The following VPS54 variants were observed in gnomAD, a reference collection of about 807,000 sequenced individuals.
VPS54 encodes the protein VPS54 subunit of GARP complex.
A neutral mutation model predicts 121.5 loss-of-function variants in VPS54; 45 were observed. The observed-to-expected ratio is 0.37, with a 90% confidence interval of 0.29 to 0.47. The LOEUF (loss-of-function observed/expected upper bound fraction) is 0.47. Ranked by LOEUF, VPS54 falls within the 20% of genes least tolerant of loss-of-function variation. VPS54 has a pLI of 0.99. For synonymous variants in VPS54, 371 were observed against 385.8 expected, an observed-to-expected ratio of 0.96 and a Z score of 0.45; for missense variants, 1,090 against 1,131.4, an observed-to-expected ratio of 0.96 and a Z score of 0.52.
intron 1 of VPS54, among the ~76,000 whole-genome samples, chr2:63,991,494 C>T (rs1294699231): frequency 6.6e-6 from 1 of 152,154 alleles, no homozygotes; most frequent in African/African-American, 2.4e-5. Flanking sequence ...TCAAACTGGC[C>T]CCACTAATTC....
chr2:63,910,932 C>T (rs925763829), intron 20 of VPS54, among the ~76,000 whole-genome samples: 8 of 152,024 alleles, frequency 5.3e-5, no homozygotes, highest in East Asian at 1.9e-4. Flanking sequence ...TTTTAGAGAC[C>T]GGGTCTTGCT....
At chr2:63,974,915 C>T in intron 3 of VPS54, 1 of 1,423,312 alleles carries the variant, frequency 7.0e-7, no homozygotes, top group Non-Finnish European at 9.4e-7. Flanking sequence ...TATTTTATTT[C>T]CTTTTCTTAT....
At chr2:63,948,540 G>A (rs1426744344) in intron 8 of VPS54, among the ~76,000 whole-genome samples, 2 of 150,796 alleles carry the variant, frequency 1.3e-5, no homozygotes, top group Non-Finnish European at 3.0e-5. Flanking sequence ...GGGACTACAG[G>A]TGTGCATGCA....
intron 9 of VPS54, among the ~76,000 whole-genome samples, chr2:63,946,212 A>T (rs999045603): frequency 1.3e-5 from 2 of 152,108 alleles, no homozygotes; most frequent in African/African-American, 2.4e-5. Context: ...TATTCTGTGT[A>T]ATCTATTCAT....
intron 11 of VPS54, among the ~76,000 whole-genome samples, chr2:63,940,202 C>T (rs900920484): frequency 1.3e-5 from 2 of 152,078 alleles, no homozygotes; most frequent in African/African-American, 4.8e-5. Flanking sequence ...CATCTGGGTT[C>T]TTTCCAATTT....
chr2:63,912,197 TG>T (rs1181242243), intron 20 of VPS54, 147 bp downstream of exon 20: 14 of 805,122 alleles, frequency 1.7e-5, no homozygotes, highest in Non-Finnish European at 2.7e-5. Context: ...CACATTTTCC[TG>T]AAAAAAAATT....
intron 3 of VPS54, chr2:63,974,989 G>A: frequency 6.5e-7 from 1 of 1,549,690 alleles, no homozygotes; most frequent in Non-Finnish European, 8.7e-7. Context: ...TCCTTACCTT[G>A]ATCCTGTTCT....
At chr2:63,900,327 T>C (rs903144804) in intron 20 of VPS54, among the ~76,000 whole-genome samples, 3 of 151,362 alleles carry the variant, frequency 2.0e-5, no homozygotes, top group Non-Finnish European at 4.4e-5. Context: ...GGTGGGTCAA[T>C]ATAGTAATAT....
intron 9 of VPS54, among the ~76,000 whole-genome samples, chr2:63,946,184 T>G (rs934214080): frequency 6.6e-6 from 1 of 152,180 alleles, no homozygotes; most frequent in Non-Finnish European, 1.5e-5. Flanking sequence ...CCACGTTATG[T>G]CTATGATATT....
At chr2:63,990,067 A>G (rs1677241380) in intron 1 of VPS54, among the ~76,000 whole-genome samples, 1 of 152,218 alleles carries the variant, frequency 6.6e-6, no homozygotes, top group African/African-American at 2.4e-5. Flanking sequence ...GCCTTGGTAC[A>G]TGTCGTCCTA....
intron 1 of VPS54, among the ~76,000 whole-genome samples, chr2:63,986,868 C>T (rs886839256): frequency 6.6e-6 from 1 of 152,194 alleles, no homozygotes; most frequent in Non-Finnish European, 1.5e-5. Flanking sequence ...TGCATGTTTT[C>T]TCTTGAGTAA....
chr2:63,943,532 T>TA (rs1674832970), intron 10 of VPS54, among the ~76,000 whole-genome samples: 1 of 152,158 alleles, frequency 6.6e-6, no homozygotes, highest in African/African-American at 2.4e-5. Flanking sequence ...CCCTAGATAA[T>TA]AGTGTGGAAA....
chr2:63,969,077 T>C (rs1171442269), intron 4 of VPS54, 86 bp from the exon 5 acceptor site: 1 of 1,103,482 alleles, frequency 9.1e-7, no homozygotes. Context: ...TTCAGTATTG[T>C]ACTGGGTCAC....
intron 3 of VPS54, chr2:63,975,092 C>G (rs1676463429): frequency 1.3e-6 from 2 of 1,501,274 alleles, no homozygotes; most frequent in Non-Finnish European, 1.8e-6. Flanking sequence ...GTCACCCAAT[C>G]TGTAGTGCAG....
chr2:63,968,842 G>C, intron 5 of VPS54, 115 bp downstream of exon 5: 1 of 820,718 alleles, frequency 1.2e-6, no homozygotes. Context: ...AGCCCCACAA[G>C]AGACAAAGTA....
chr2:63,921,394 G>A, intron 12 of VPS54, 59 bp from the exon 13 acceptor site: 4 of 1,538,410 alleles, frequency 2.6e-6, no homozygotes, highest in South Asian at 1.2e-5. Flanking sequence ...ATTCTCCACA[G>A]GTGACCTATC....
At chr2:63,966,820 T>C (rs140926867) in intron 5 of VPS54, among the ~76,000 whole-genome samples, 35 of 152,320 alleles carry the variant, frequency 2.3e-4, no homozygotes, top group African/African-American at 7.9e-4. Context: ...TTCTCTTCCA[T>C]ACTCTTATTC....
intron 20 of VPS54, among the ~76,000 whole-genome samples, chr2:63,910,836 A>G (rs1673118701): frequency 1.3e-5 from 2 of 152,248 alleles, no homozygotes; most frequent in African/African-American, 4.8e-5. Context: ...GACTAAAGTC[A>G]GAGTTTTAAG....
chr2:64,011,006 C>G (rs1678402531), intron 1 of VPS54, among the ~76,000 whole-genome samples: 1 of 152,016 alleles, frequency 6.6e-6, no homozygotes, highest in East Asian at 1.9e-4. Flanking sequence ...CCTAAAGTTG[C>G]TTATTTACTT....
Sources: gnomAD v4.1 joint callset for allele counts (sites outside exome capture counted in the v4.1 genomes callset) on GRCh38, gnomAD v4.1.1 for gene constraint, MANE v1.5 for transcripts, NCBI Gene and HGNC (gene_info 2026-07-23, HGNC 2026-07-21) for gene names.